Variants in PTPN18 observed in about 807,000 individuals in gnomAD.
PTPN18 encodes the protein protein tyrosine phosphatase non-receptor type 18, also known as tyrosine-protein phosphatase non-receptor type 18.
A neutral mutation model predicts 65.4 loss-of-function variants in PTPN18; 65 were observed. The observed-to-expected ratio is 0.99, with a 90% CI of 0.81 to 1.22. The LOEUF is 1.22. PTPN18 is among the 50% of genes most tolerant of loss of function. The pLI, the probability that PTPN18 is intolerant of heterozygous loss-of-function variation, is 0.00. For missense variants in PTPN18, 616 were observed against 646.5 expected (o/e 0.95, Z 0.51); for synonymous variants, 255 against 267.8 (o/e 0.95, Z 0.47).
At chr2:130,372,827 C>T (rs777500587) in intron 13 of PTPN18, 46 bp from the exon 14 acceptor site, 1 of 1,607,230 alleles carries the variant, frequency 6.2e-7, no homozygotes, top group Admixed American at 1.7e-5. Context: ...TCTTGGGACT[C>T]CCTGGGGCTT....
chr2:130,369,706 TGGTAC>T, intron 6 of PTPN18, 54 bp from the exon 7 acceptor site: 1 of 1,478,122 alleles, frequency 6.8e-7, no homozygotes, highest in Non-Finnish European at 9.4e-7. Context: ...AAATGTCTTC[TGGTAC>T]CTATGATCTT....
rs1293684125 is a variant in PTPN18 at position 130,371,251 on chromosome 2, T to C, written c.977T>C (p.Leu326Pro). The C allele has an allele frequency of 6.2e-7, 1 of 1,610,070 alleles. No homozygotes were observed. Among genetic ancestry groups the C allele is most frequent in the Non-Finnish European group, 8.5e-7 (1 of 1,178,636 alleles). ...CTCTTCCTCCGGACTCCCCAGGCAC[T>C]TCTCGCCATACCCCGCCCACCAGGA... is the stretch of plus-strand genomic sequence containing the variant. ...DALFLRTPQA[L>P]LAIPRPPGGV... Residue 326 changes from leucine to proline, a missense_variant, in exon 12 of 15, where the codon CTT (leucine) becomes CCT (proline). Leu to Pro is a moderately conservative substitution (Grantham distance 98). This residue lies in a region of PTPN18 where 368 missense variants were observed against 386.7 expected (regional missense o/e 0.95). Transcript: ENST00000175756.
In PTPN18 at chr2:130,373,369, C is replaced by A; in HGVS notation, c.*145C>A. On this transcript the variant is annotated 3_prime_UTR_variant, in exon 15 of 15. Transcript: ENST00000175756. This position sits in a 1 kb window ranked among gnomAD's most constrained non-coding sequence, Gnocchi z 4.1. ...GGGTGGGAAATGTGGGGGCTTTGCC[C>A]CAATGACTGTAGCATTCAAGGCTTG... is the stretch of plus-strand genomic sequence containing the variant. 1.2e-6 allele frequency: 1 copy of A among 852,098 alleles called. No individual in the cohort carries two copies. The highest frequency in any genetic ancestry group is 1.7e-6 in the Non-Finnish European group (1 of 574,184). The allele number at this position is 852,098 out of a possible 1,614,324, so 52.8% of individuals were successfully genotyped here.
chr2:130,364,782 C>T (rs528953768), intron 5 of PTPN18, among the ~76,000 whole-genome samples: 2 of 152,230 alleles, frequency 1.3e-5, no homozygotes, highest in South Asian at 4.1e-4. Flanking sequence ...GGCGACAGAG[C>T]GAGACTCCGT....
intron 13 of PTPN18, 116 bp downstream of exon 13, chr2:130,372,599 G>T (rs1369375426): frequency 1.6e-6 from 2 of 1,272,990 alleles, no homozygotes; most frequent in Non-Finnish European, 2.1e-6. Flanking sequence ...CCGCTAGCCT[G>T]GCCACGCCCC....
rs763966149 is a variant in PTPN18, at chr2:130,359,232, G to C, written c.203-1G>C. 1 of 1,613,964 alleles carries C rather than the reference G, an allele frequency of 6.2e-7. No individual in the cohort carries two copies. The highest frequency in any genetic ancestry group is 8.5e-7 in the Non-Finnish European group (1 of 1,179,990). The stretch of plus-strand genomic sequence containing the variant: ...ACGTTTCTCACCTTATCTGCTGACA[G>C]ATGATCAGACGCGAGTAATCCTCTC... On this transcript the variant is annotated splice_acceptor_variant, in intron 2 of 14. Coordinates refer to ENST00000175756, the MANE Select transcript of PTPN18 (RefSeq NM_014369.4). LOFTEE classifies it high-confidence loss of function.
At position 130,372,436 on chromosome 2, in the gene PTPN18, G is replaced by T. The variant is rs1680600605; in HGVS notation, c.1193G>T (p.Arg398Leu). Residue 398 changes from arginine to leucine, a missense_variant, in exon 13 of 15, where the codon CGA becomes CTA. Arg to Leu is a moderately radical substitution (Grantham distance 102). Around this residue, in one of 3 missense-constraint regions of PTPN18, gnomAD observed 368 missense variants for 386.7 expected, o/e 0.95. Coordinates refer to ENST00000175756, the MANE Select transcript of PTPN18 (RefSeq NM_014369.4). ...AGCAAGGTGACGCCGCGCGCCCAGC[G>T]ACCCGGGGCGCACGCGGAGGACGCG... ...LYSKVTPRAQ[R>L]PGAHAEDARG... 7.3e-7 allele frequency: 1 copy of T among 1,367,976 alleles called. No individual in the cohort carries two copies. The highest frequency in any genetic ancestry group is 9.4e-7 in the Non-Finnish European group (1 of 1,067,548). The allele number at this position is 1,367,976 out of a possible 1,614,324, so 84.7% of individuals were successfully genotyped here.
rs1198554918 is a variant in PTPN18 at position 130,374,701 on chromosome 2, G to A, written c.*1477G>A. 1 of 471,056 alleles carries A rather than the reference G, an allele frequency of 2.1e-6. No individual in the cohort carries two copies. 29.2% of individuals were successfully genotyped at this position (471,056 alleles called of 1,614,324 possible). ...CTCTGACTGACACTGTGCCTGCCCAGGTCCCTGTATGCACTGCCACAGTGC... is the reference window on the plus strand; with the variant it reads ...CTCTGACTGACACTGTGCCTGCCCAAGTCCCTGTATGCACTGCCACAGTGC... On this transcript the variant is annotated 3_prime_UTR_variant, in exon 15 of 15. Transcript: ENST00000175756.
At chr2:130,361,745 GC>G (rs1680223503) in intron 5 of PTPN18, among the ~76,000 whole-genome samples, 1 of 151,754 alleles carries the variant, frequency 6.6e-6, no homozygotes, top group Non-Finnish European at 1.5e-5. Context: ...CTGCCACCAC[GC>G]CCAGCTAATT....
rs1432683970 is a variant in PTPN18, at chr2:130,356,127, C to A, written c.20C>A (p.Ser7Ter). The A allele has an allele frequency of 7.6e-7, 1 of 1,308,844 alleles. No individual in the cohort carries two copies. Among genetic ancestry groups the A allele is most frequent in the Non-Finnish European group, 9.7e-7 (1 of 1,032,626 alleles). 81.1% of individuals were successfully genotyped at this position (1,308,844 alleles called of 1,614,324 possible). A position where few individuals can be genotyped will look rare whatever the true frequency, so the allele number is the denominator to read the frequency against. MSRSLDSARSFLERLEA... is the reference protein window; with the variant it reads MSRSLD ...GGCGCCATGAGCCGCAGCCTGGACT[C>A]GGCGCGGAGCTTCCTGGAGCGGCTG... Residue 7 changes from serine (S) to a stop codon, truncating the protein, a stop_gained, in exon 1 of 15, where the codon TCG becomes TAG. Transcript: ENST00000175756. LOFTEE classifies it high-confidence loss of function.
chr2:130,363,707 C>G (rs1193928390), intron 5 of PTPN18, among the ~76,000 whole-genome samples: 7 of 152,132 alleles, frequency 4.6e-5, no homozygotes, highest in Non-Finnish European at 1.0e-4. Flanking sequence ...AAATTGGGTT[C>G]TTTCTACTTT....
At chr2:130,361,532 T>TTCTTTCTTTCTTTCTTTCTTTCTTTC (rs1558842153) in intron 5 of PTPN18, among the ~76,000 whole-genome samples, 61 of 143,346 alleles carry the variant, frequency 4.3e-4, no homozygotes, top group Middle Eastern at 3.4e-3. Flanking sequence ...CTTTCTTTCT[T>TTCTTTCTTTCTTTCTTTCTTTCTTTC]TCTTTCTTTC....
chr2:130,370,868 C>G lies in PTPN18; in HGVS notation c.835-7C>G. The G allele has an allele frequency of 6.2e-7, 1 of 1,614,004 alleles. No individual in the cohort carries two copies. Reference sequence around the variant, plus strand: ...CTTCCCTTCTTGATGGTCCCTCACCCCAACAGGAGCAGTACAGGTTCCTGT... The same window carrying G: ...CTTCCCTTCTTGATGGTCCCTCACCGCAACAGGAGCAGTACAGGTTCCTGT... On this transcript the variant is annotated splice_region_variant and splice_polypyrimidine_tract_variant and intron_variant, in intron 10 of 14. Transcript: ENST00000175756.
chr2:130,369,605 TA>T (rs1680488476), intron 6 of PTPN18, among the ~76,000 whole-genome samples, 159 bp from the exon 7 acceptor site: 1 of 152,240 alleles, frequency 6.6e-6, no homozygotes, highest in Admixed American at 6.5e-5. Flanking sequence ...AATGTTTCCT[TA>T]ATGAAAGCTT....
chr2:130,370,402 A>C, intron 8 of PTPN18, 155 bp from the exon 9 acceptor site: 1 of 1,146,498 alleles, frequency 8.7e-7, no homozygotes, highest in Non-Finnish European at 1.3e-6. Flanking sequence ...TAAGTGATTA[A>C]AAAGGTTTTC....
intron 5 of PTPN18, among the ~76,000 whole-genome samples, chr2:130,361,598 T>C (rs530222138): frequency 4.7e-5 from 7 of 149,464 alleles, no homozygotes; most frequent in Non-Finnish European, 3.0e-5. Flanking sequence ...TCTTTCTTTC[T>C]GTTTTTTTGA....
rs1298106312 is a variant in PTPN18, at chr2:130,373,428, G to A, written c.*204G>A. The A allele has an allele frequency of 3.6e-6, 2 of 553,112 alleles. No homozygotes were observed. The highest frequency in any genetic ancestry group is 6.2e-5 in the East Asian group (2 of 32,446). The allele number at this position is 553,112 out of a possible 1,614,324, so 34.3% of individuals were successfully genotyped here. On this transcript the variant is annotated 3_prime_UTR_variant, in exon 15 of 15. Coordinates refer to ENST00000175756, the MANE Select transcript of PTPN18 (RefSeq NM_014369.4). This position sits in a 1 kb window ranked among gnomAD's most constrained non-coding sequence, Gnocchi z 4.1. ...GGAGGTAGCTAGGGTATAGTGGCTG[G>A]TGAGGCTGCACAGAGCAGATTCAAG...
Position 130,370,020 on chromosome 2 carries a change from C to G in PTPN18, c.547-28C>G, listed in dbSNP as rs1306322589. ...TGCTTTTTTCTTTTTTTTCCTAAGT[C>G]TTTTGCTCATCTTTTTCTGTGTTTC... On this transcript the variant is annotated intron_variant, in intron 7 of 14. Transcript: ENST00000175756. 1.9e-6 allele frequency: 3 copies of G among 1,609,632 alleles called. No individual in the cohort carries two copies. In the South Asian group the frequency reaches 3.3e-5, roughly 18 times the overall value.
intron 2 of PTPN18, 93 bp downstream of exon 2, chr2:130,359,068 C>T (rs1680098992): frequency 6.9e-7 from 1 of 1,453,694 alleles, no homozygotes; most frequent in Non-Finnish European, 9.5e-7. Context: ...ACTGTGCTCT[C>T]CTCCCAGAGC....
Sources: gnomAD v4.1 joint callset for allele counts (sites outside exome capture counted in the v4.1 genomes callset) on GRCh38, gnomAD v4.1.1 for gene constraint, gnomAD v4.1.1 regional missense constraint, Gnocchi (gnomAD v3.1) non-coding constraint, MANE v1.5 for transcripts, NCBI Gene and HGNC (gene_info 2026-07-23, HGNC 2026-07-21) for gene names.